AKT2: variants seen among roughly 807,000 people sequenced by gnomAD.
AKT2 encodes RAC-beta serine/threonine-protein kinase.
In AKT2, 16 loss-of-function variants were observed where a neutral mutation model predicts 58.6. The observed-to-expected ratio is 0.27, with a 90% CI of 0.18 to 0.41. The LOEUF is 0.41. Ranked by LOEUF, AKT2 falls within the 10% of genes least tolerant of loss-of-function variation. AKT2 has a pLI of 1.00. For missense variants in AKT2, 438 were observed against 661.0 expected (o/e 0.66, Z 3.70); for synonymous variants, 253 against 254.0 (o/e 1.00, Z 0.04).
chr19:40,238,190 C>T lies in AKT2; in HGVS notation c.709-99G>A. 1.4e-6 allele frequency: 2 copies of T among 1,467,972 alleles called. No homozygotes were observed. The highest frequency in any genetic ancestry group is 2.5e-5 in the East Asian group (1 of 40,142). The allele number at this position is 1,467,972 out of a possible 1,614,324, so 90.9% of individuals were successfully genotyped here. A position where few individuals can be genotyped will look rare whatever the true frequency, so the allele number is the denominator to read the frequency against. Reference sequence around the variant, plus strand: ...GCCCCAGCGCAGTGATGTGGTGACACCTGTATCATGAACCAGCAAGTGACA... The same window carrying T: ...GCCCCAGCGCAGTGATGTGGTGACATCTGTATCATGAACCAGCAAGTGACA... On this transcript the variant is annotated intron_variant, in intron 8 of 13. Transcript: ENST00000392038. The surrounding 1 kb of genome is among the most constrained non-coding windows in gnomAD (Gnocchi z 5.1).
At chr19:40,278,519 T>C (rs928294614) in intron 1 of AKT2, among the ~76,000 whole-genome samples, 4 of 152,106 alleles carry the variant, frequency 2.6e-5, no homozygotes, top group African/African-American at 7.2e-5. Flanking sequence ...TGCAGGTTTG[T>C]AGAGCTAATA....
Position 40,240,276 on chromosome 19 carries a change from A to T in AKT2, c.574-166T>A, listed in dbSNP as rs2145192430. On this transcript the variant is annotated intron_variant, in intron 6 of 13. Coordinates refer to ENST00000392038, the MANE Select transcript of AKT2 (RefSeq NM_001626.6). ...AGCCTGCAAACCCTCAGCAAATAGC[A>T]GACCCAGACGAGGATCATCAGTGGC... is the stretch of plus-strand genomic sequence containing the variant. The T allele has an allele frequency of 3.7e-6, 3 of 817,484 alleles. No individual in the cohort carries two copies. The East Asian group carries it at 7.3e-5, about 20-fold the overall frequency. The allele number at this position is 817,484 out of a possible 1,614,324, so 50.6% of individuals were successfully genotyped here.
chr19:40,240,196 A>ATGT, intron 6 of AKT2, 86 bp from the exon 7 acceptor site: 1 of 1,335,404 alleles, frequency 7.5e-7, no homozygotes, highest in Non-Finnish European at 1.1e-6. Context: ...GGCCTTGTGA[A>ATGT]ATGCAATTCC....
intron 1 of AKT2, among the ~76,000 whole-genome samples, chr19:40,270,134 G>C (rs917870704): frequency 6.6e-6 from 1 of 152,154 alleles, no homozygotes; most frequent in Non-Finnish European, 1.5e-5. Context: ...TCCCTTTCTT[G>C]AGAAGCCTTC....
intron 1 of AKT2, among the ~76,000 whole-genome samples, chr19:40,271,021 G>GACAAACAA (rs144804672): frequency 5.4e-5 from 8 of 147,810 alleles, no homozygotes; most frequent in Non-Finnish European, 1.0e-4. Flanking sequence ...TCAAAAAACA[G>GACAAACAA]ACAAACAAAC....
chr19:40,266,834 G>A (rs1367821644), intron 1 of AKT2, among the ~76,000 whole-genome samples: 1 of 152,178 alleles, frequency 6.6e-6, no homozygotes, highest in African/African-American at 2.4e-5. Flanking sequence ...GCCAGGCATG[G>A]TGCTGTGCAC....
At chr19:40,260,485 C>G (rs1442756562) in intron 2 of AKT2, among the ~76,000 whole-genome samples, 1 of 151,694 alleles carries the variant, frequency 6.6e-6, no homozygotes, top group Non-Finnish European at 1.5e-5. Flanking sequence ...TAAAAATTAG[C>G]CAGGCATGGT....
chr19:40,263,193 AC>A (rs1976088393), intron 2 of AKT2, among the ~76,000 whole-genome samples: 1 of 152,144 alleles, frequency 6.6e-6, no homozygotes, highest in South Asian at 2.1e-4. Context: ...ACAGTTCCAC[AC>A]CCATCCCAAG....
chr19:40,233,759 G>C lies in AKT2; in HGVS notation c.*113C>G, dbSNP rs1973839834. 2 of 1,019,402 alleles carry C rather than the reference G, an allele frequency of 2.0e-6. No individual in the cohort carries two copies. The highest frequency in any genetic ancestry group is 1.5e-6 in the Non-Finnish European group (1 of 663,340). 63.1% of individuals were successfully genotyped at this position (1,019,402 alleles called of 1,614,324 possible). ...GGCCTGAAGAAGAACTGGAAAGGGG[G>C]TGAGGAGGTGGGGGTGGGGACACAA... On this transcript the variant is annotated 3_prime_UTR_variant, in exon 14 of 14. Coordinates refer to ENST00000392038, the MANE Select transcript of AKT2 (RefSeq NM_001626.6). The surrounding 1 kb of genome is among the most constrained non-coding windows in gnomAD (Gnocchi z 4.3).
intron 1 of AKT2, chr19:40,282,710 T>C: frequency 2.8e-6 from 1 of 357,870 alleles, no homozygotes; most frequent in Non-Finnish European, 5.8e-6. Context: ...AATCCTACCC[T>C]GGCACCCATA....
In AKT2 at chr19:40,236,736, A is replaced by C. The variant is rs931477453; in HGVS notation, c.832-351T>G. ...AGACTTTCTGTCCTTTAATTATGAA[A>C]TATGCAGCCAGGCAAAGTGGCTCAC... On this transcript the variant is annotated intron_variant, in intron 9 of 13. Coordinates refer to ENST00000392038, the MANE Select transcript of AKT2 (RefSeq NM_001626.6). 7 of 345,768 alleles carry C rather than the reference A, an allele frequency of 2.0e-5. No individual in the cohort carries two copies. In the East Asian group the frequency reaches 2.9e-4, roughly 15 times the overall value. 21.4% of individuals were successfully genotyped at this position (345,768 alleles called of 1,614,324 possible). A position where few individuals can be genotyped will look rare whatever the true frequency, so the allele number is the denominator to read the frequency against.
intron 1 of AKT2, among the ~76,000 whole-genome samples, chr19:40,284,384 G>T (rs775674686): frequency 7.2e-5 from 11 of 152,150 alleles, no homozygotes; most frequent in Non-Finnish European, 1.0e-4. Flanking sequence ...GGAAAGAACT[G>T]TTACTGCCTG....
rs2145204888 is a variant in AKT2 at position 40,242,118 on chromosome 19, C to A, written c.442-49G>T. ...GGCAGTCAGCGCCTGGCTCATGGCCCGTGGGAGGAAATTTTAACAAAAGAA... is the reference window on the plus strand; with the variant it reads ...GGCAGTCAGCGCCTGGCTCATGGCCAGTGGGAGGAAATTTTAACAAAAGAA... On this transcript the variant is annotated intron_variant, in intron 5 of 13. Transcript: ENST00000392038. The surrounding 1 kb of genome is among the most constrained non-coding windows in gnomAD (Gnocchi z 4.3). The A allele has an allele frequency of 6.2e-7, 1 of 1,612,636 alleles. No individual in the cohort carries two copies. The highest frequency in any genetic ancestry group is 8.5e-7 in the Non-Finnish European group (1 of 1,179,436).
chr19:40,264,832 A>G (rs1301877538), intron 2 of AKT2, among the ~76,000 whole-genome samples: 1 of 152,034 alleles, frequency 6.6e-6, no homozygotes, highest in African/African-American at 2.4e-5. Flanking sequence ...ACTGGAATGT[A>G]AGCTCCATCA....
At chr19:40,255,749 G>A (rs1975499109) in intron 3 of AKT2, among the ~76,000 whole-genome samples, 1 of 152,228 alleles carries the variant, frequency 6.6e-6, no homozygotes. Flanking sequence ...GTGGGCTGGG[G>A]CCAGCCAGGC....
At chr19:40,271,445 AC>A (rs1568568096) in intron 1 of AKT2, among the ~76,000 whole-genome samples, 2 of 147,618 alleles carry the variant, frequency 1.4e-5, no homozygotes, top group African/African-American at 5.1e-5. Context: ...AAAAAAAAAA[AC>A]CAAAAAACCC....
rs200433217 is a variant in AKT2 at position 40,235,986 on chromosome 19, T to G, written c.1079A>C (p.Glu360Ala). ...GCGGATCTCTTCCATGAGGATGAGC[T>G]CGAAGAGGCGCTCGTGGTCCTGGTT... ...FYNQDHERLF[E>A]LILMEEIRFP... is the part of the protein sequence containing the mutation. The change falls in exon 11 of 14, where the codon GAG (glutamate) becomes GCG (alanine). Residue 360 changes from glutamate (E) to alanine (A), a missense_variant. Glu to Ala is a moderately radical substitution (Grantham distance 107). Around this residue, in one of 3 missense-constraint regions of AKT2, gnomAD observed 148 missense variants for 199.5 expected, o/e 0.74. Transcript: ENST00000392038. The surrounding 1 kb of genome is among the most constrained non-coding windows in gnomAD (Gnocchi z 6.3). The G allele has an allele frequency of 1.5e-5, 24 of 1,613,898 alleles. No homozygotes were observed. The highest frequency in any genetic ancestry group is 8.5e-7 in the Non-Finnish European group (1 of 1,180,018).
intron 1 of AKT2, chr19:40,274,627 T>A (rs575612254): frequency 4.5e-6 from 1 of 221,436 alleles, no homozygotes; most frequent in Non-Finnish European, 9.3e-6. Flanking sequence ...CACAGGATGG[T>A]GACAGAAGGG....
Position 40,237,003 on chromosome 19 carries a change from A to C in AKT2, c.832-618T>G. 5.7e-6 allele frequency: 1 copy of C among 174,512 alleles called. No individual in the cohort carries two copies. 10.8% of individuals were successfully genotyped at this position (174,512 alleles called of 1,614,324 possible). On this transcript the variant is annotated intron_variant, in intron 9 of 13. Coordinates refer to ENST00000392038, the MANE Select transcript of AKT2 (RefSeq NM_001626.6). This position sits in a 1 kb window ranked among gnomAD's most constrained non-coding sequence, Gnocchi z 4.5. Reference sequence around the variant, plus strand: ...TACTGACCATCCCCCACAAGAATTAACCTCTACTTCCCATCTGTACCACTG... The same window carrying C: ...TACTGACCATCCCCCACAAGAATTACCCTCTACTTCCCATCTGTACCACTG...
Sources: gnomAD v4.1 joint callset for allele counts (sites outside exome capture counted in the v4.1 genomes callset) on GRCh38, gnomAD v4.1.1 for gene constraint, gnomAD v4.1.1 regional missense constraint, Gnocchi (gnomAD v3.1) non-coding constraint, MANE v1.5 for transcripts, NCBI Gene and HGNC (gene_info 2026-07-23, HGNC 2026-07-21) for gene names.